Variants in PPP4R2 observed in about 807,000 individuals in gnomAD.
PPP4R2 encodes protein phosphatase 4 regulatory subunit 2, also known as serine/threonine-protein phosphatase 4 regulatory subunit 2.
A neutral mutation model predicts 47.2 loss-of-function variants in PPP4R2; 13 were observed. That is an observed-to-expected ratio of 0.28 (90% confidence interval 0.18 to 0.44). PPP4R2 has a LOEUF of 0.44. Ranked by LOEUF, PPP4R2 falls within the 20% of genes least tolerant of loss-of-function variation. The pLI is 1.00. For missense variants in PPP4R2, 421 were observed against 491.2 expected (o/e 0.86, Z 1.35); for synonymous variants, 151 against 163.3 (o/e 0.92, Z 0.57).
chr3:73,059,483 C>A (rs951435147), intron 4 of PPP4R2, among the ~76,000 whole-genome samples: 2 of 152,154 alleles, frequency 1.3e-5, no homozygotes, highest in Non-Finnish European at 2.9e-5. Flanking sequence ...TTTCTCAATT[C>A]TGGAGTTCAA....
At chr3:73,021,627 A>G (rs1701961158) in intron 2 of PPP4R2, among the ~76,000 whole-genome samples, 1 of 152,112 alleles carries the variant, frequency 6.6e-6, no homozygotes, top group South Asian at 2.1e-4. Flanking sequence ...TCAAAGGGGA[A>G]GCTCTGTTTA....
intron 1 of PPP4R2, chr3:72,997,542 T>C: frequency 6.0e-6 from 1 of 165,668 alleles, no homozygotes; most frequent in Non-Finnish European, 1.3e-5. Flanking sequence ...TTCCGCGCCC[T>C]AATTTCGAGG....
chr3:73,061,652 G>C (rs1035574208), intron 5 of PPP4R2: 16 of 179,876 alleles, frequency 8.9e-5, no homozygotes, highest in Non-Finnish European at 1.5e-4. Context: ...ATGTCTCTTG[G>C]AGATGTGAAA....
chr3:73,061,936 C>A (rs1158019966), intron 5 of PPP4R2: 2 of 610,732 alleles, frequency 3.3e-6, no homozygotes, highest in Non-Finnish European at 5.7e-6. Context: ...TAATCCCATA[C>A]TATATTTCTT....
At chr3:72,997,233 T>C (rs1205793760) in intron 1 of PPP4R2, 162 bp downstream of exon 1, 1 of 466,730 alleles carries the variant, frequency 2.1e-6, no homozygotes, top group East Asian at 3.6e-5. Context: ...GGGAGCCCTG[T>C]GGGCAGCTCT....
intron 2 of PPP4R2, among the ~76,000 whole-genome samples, chr3:73,001,575 A>C (rs985557378): frequency 6.6e-6 from 1 of 152,134 alleles, no homozygotes; most frequent in South Asian, 2.1e-4. Flanking sequence ...CCTTGTCTCA[A>C]ACACACACAT....
At chr3:73,038,755 A>G (rs1203754250) in intron 2 of PPP4R2, among the ~76,000 whole-genome samples, 3 of 152,206 alleles carry the variant, frequency 2.0e-5, no homozygotes, top group African/African-American at 7.2e-5. Context: ...GAGGTGGATG[A>G]ATAGGTAGTA....
In PPP4R2 at chr3:72,997,088, C is replaced by A; in HGVS notation, c.34+17C>A. On this transcript the variant is annotated intron_variant, in intron 1 of 8. Coordinates refer to ENST00000356692, the MANE Select transcript of PPP4R2 (RefSeq NM_174907.4). The stretch of plus-strand genomic sequence containing the variant: ...CGCTGAAAGGTGGGGGTAGCTGCCC[C>A]CTCTCCATTCCCCCTCACCTTCTCC... 1.5e-6 allele frequency: 2 copies of A among 1,374,824 alleles called. No homozygotes were observed. The highest frequency in any genetic ancestry group is 9.5e-7 in the Non-Finnish European group (1 of 1,047,754). 85.2% of individuals were successfully genotyped at this position (1,374,824 alleles called of 1,614,324 possible).
chr3:73,028,997 G>C (rs1337846100), intron 2 of PPP4R2, among the ~76,000 whole-genome samples: 1 of 152,210 alleles, frequency 6.6e-6, no homozygotes, highest in African/African-American at 2.4e-5. Context: ...TGCAGTGTGA[G>C]TGCAGTGATG....
At chr3:73,047,753 A>G (rs1472024991) in intron 3 of PPP4R2, among the ~76,000 whole-genome samples, 1 of 152,240 alleles carries the variant, frequency 6.6e-6, no homozygotes, top group East Asian at 1.9e-4. Flanking sequence ...TTTTGGAGTC[A>G]TCATTTCTCT....
Position 72,999,640 on chromosome 3 carries a change from A to G in PPP4R2, c.116+1482A>G, listed in dbSNP as rs149111142. On this transcript the variant is annotated intron_variant, in intron 2 of 8. Coordinates refer to ENST00000356692, the MANE Select transcript of PPP4R2 (RefSeq NM_174907.4). Reference sequence around the variant, plus strand: ...AATGTATAAATAATTGAAAGTTTCTAAAAGATAGCTTTTTAATATCCTGTC... The same window carrying G: ...AATGTATAAATAATTGAAAGTTTCTGAAAGATAGCTTTTTAATATCCTGTC... Among the ~76,000 whole-genome samples, 111 of 152,358 alleles carry G rather than the reference A, an allele frequency of 7.3e-4. 1 individual carries two copies. Among genetic ancestry groups the G allele is most frequent in the African/African-American group, 2.5e-3 (106 of 41,586 alleles).
chr3:73,060,022 A>G (rs1406389322), intron 4 of PPP4R2, among the ~76,000 whole-genome samples: 1 of 151,982 alleles, frequency 6.6e-6, no homozygotes, highest in East Asian at 1.9e-4. Context: ...ACTTGTCTTG[A>G]GTGAAAAATG....
At chr3:73,006,631 T>C (rs1190455648) in intron 2 of PPP4R2, among the ~76,000 whole-genome samples, 1 of 152,194 alleles carries the variant, frequency 6.6e-6, no homozygotes, top group Admixed American at 6.5e-5. Context: ...TTCTCTTGAC[T>C]CTTTCTCCTC....
intron 2 of PPP4R2, among the ~76,000 whole-genome samples, chr3:73,011,019 G>C (rs1701714130): frequency 9.3e-6 from 1 of 107,212 alleles, no homozygotes; most frequent in African/African-American, 4.1e-5. Context: ...GTCCAAGGTT[G>C]TACAGCTAAG....
chr3:73,062,336 G>C, intron 5 of PPP4R2: 1 of 1,607,768 alleles, frequency 6.2e-7, no homozygotes, highest in South Asian at 1.1e-5. Flanking sequence ...AAAACAGACA[G>C]TATCCACTGG....
intron 3 of PPP4R2, 88 bp downstream of exon 3, chr3:73,047,444 T>TCAA: frequency 5.2e-6 from 4 of 776,272 alleles, no homozygotes; most frequent in Non-Finnish European, 5.9e-6. Context: ...TGGTTGATGA[T>TCAA]TGATTATCCA....
intron 3 of PPP4R2, 125 bp from the exon 4 acceptor site, chr3:73,058,912 T>C (rs1229799529): frequency 1.1e-5 from 6 of 560,506 alleles, no homozygotes; most frequent in Middle Eastern, 4.6e-4. Flanking sequence ...TTCCCTATTA[T>C]AGCATTTTCT....
chr3:73,034,408 C>G (rs1702225584), intron 2 of PPP4R2, among the ~76,000 whole-genome samples: 1 of 152,206 alleles, frequency 6.6e-6, no homozygotes, highest in Non-Finnish European at 1.5e-5. Flanking sequence ...TATGGAGATT[C>G]CTACCAGTTA....
At chr3:73,025,854 C>T (rs1702053201) in intron 2 of PPP4R2, among the ~76,000 whole-genome samples, 1 of 152,100 alleles carries the variant, frequency 6.6e-6, no homozygotes, top group Non-Finnish European at 1.5e-5. Flanking sequence ...GGAAATCACT[C>T]AGGAGATGAT....
Sources: gnomAD v4.1 joint callset for allele counts (sites outside exome capture counted in the v4.1 genomes callset) on GRCh38, gnomAD v4.1.1 for gene constraint, MANE v1.5 for transcripts, NCBI Gene and HGNC (gene_info 2026-07-23, HGNC 2026-07-21) for gene names.